The following GRIA4 variants were observed in gnomAD, a reference collection of about 807,000 sequenced individuals.
GRIA4 encodes the protein glutamate receptor 4.
GRIA4 carries 34 observed loss-of-function variants against 104.0 expected under a neutral mutation model. That is an observed-to-expected ratio of 0.33 (90% confidence interval 0.25 to 0.44). The LOEUF is 0.44. Ranked by LOEUF, GRIA4 falls within the 20% of genes least tolerant of loss-of-function variation. The pLI is 1.00. For synonymous variants in GRIA4, 386 were observed against 381.9 expected, an observed-to-expected ratio of 1.01 and a Z score of -0.13; for missense variants, 750 against 1,096.5, an observed-to-expected ratio of 0.68 and a Z score of 4.46.
At chr11:105,913,962 G>GT (rs1719608790) in intron 10 of GRIA4, among the ~76,000 whole-genome samples, 1 of 151,776 alleles carries the variant, frequency 6.6e-6, no homozygotes, top group Non-Finnish European at 1.5e-5. Context: ...TTTATAAGAT[G>GT]TTTGATATTT....
At chr11:105,701,689 T>C (rs745997657) in intron 3 of GRIA4, among the ~76,000 whole-genome samples, 3 of 152,276 alleles carry the variant, frequency 2.0e-5, no homozygotes, top group East Asian at 1.9e-4. Flanking sequence ...TTGATTAAGA[T>C]TGCACTTCCA....
intron 14 of GRIA4, among the ~76,000 whole-genome samples, chr11:105,946,585 CA>C (rs1423227283): frequency 6.7e-6 from 1 of 150,146 alleles, no homozygotes; most frequent in Admixed American, 6.6e-5. Flanking sequence ...GACCCTGTCT[CA>C]AAAAAAATAA....
At chr11:105,827,610 AT>A (rs1943820609) in intron 4 of GRIA4, among the ~76,000 whole-genome samples, 2 of 151,986 alleles carry the variant, frequency 1.3e-5, no homozygotes, top group African/African-American at 4.8e-5. Context: ...GGAAAAGATA[AT>A]GAGATCTAAA....
intron 6 of GRIA4, among the ~76,000 whole-genome samples, chr11:105,891,195 TTTGA>T (rs1387181033): frequency 2.6e-5 from 4 of 152,182 alleles, no homozygotes; most frequent in African/African-American, 4.8e-5. Context: ...TGCTTAAATC[TTTGA>T]TTGGCCCCAG....
At chr11:105,839,187 T>G (rs1180631525) in intron 4 of GRIA4, among the ~76,000 whole-genome samples, 1 of 152,134 alleles carries the variant, frequency 6.6e-6, no homozygotes, top group Non-Finnish European at 1.5e-5. Flanking sequence ...AGACAGGATA[T>G]TGTTGCTGAG....
At chr11:105,845,055 C>T (rs867943554) in intron 4 of GRIA4, among the ~76,000 whole-genome samples, 1 of 152,202 alleles carries the variant, frequency 6.6e-6, no homozygotes, top group African/African-American at 2.4e-5. Flanking sequence ...CTTTAAACAA[C>T]GACCATCATT....
chr11:105,643,589 G>T (rs1951432981), intron 3 of GRIA4, among the ~76,000 whole-genome samples: 1 of 152,148 alleles, frequency 6.6e-6, no homozygotes, highest in Admixed American at 6.6e-5. Context: ...GTAATGGTGA[G>T]AATTAGCCTC....
intron 4 of GRIA4, among the ~76,000 whole-genome samples, chr11:105,779,277 A>G (rs578225348): frequency 6.6e-6 from 1 of 152,186 alleles, no homozygotes; most frequent in South Asian, 2.1e-4. Flanking sequence ...CCACTGCTCA[A>G]TGAAATAAAA....
chr11:105,678,831 T>C (rs1410771543), intron 3 of GRIA4, among the ~76,000 whole-genome samples: 1 of 152,096 alleles, frequency 6.6e-6, no homozygotes, highest in Admixed American at 6.6e-5. Context: ...ATAAAGCTAA[T>C]GTTTAACTCT....
intron 4 of GRIA4, among the ~76,000 whole-genome samples, chr11:105,858,140 C>A (rs1373908872): frequency 6.6e-6 from 1 of 151,958 alleles, no homozygotes; most frequent in Non-Finnish European, 1.5e-5. Context: ...TATGAAAAAG[C>A]CCTTAATTAC....
intron 3 of GRIA4, among the ~76,000 whole-genome samples, chr11:105,723,167 G>C (rs528567040): frequency 6.6e-6 from 1 of 151,930 alleles, no homozygotes; most frequent in Non-Finnish European, 1.5e-5. Flanking sequence ...AGCAATCAAT[G>C]AGAAAGGAAA....
chr11:105,661,771 C>G (rs368816905), intron 3 of GRIA4, among the ~76,000 whole-genome samples: 3 of 151,750 alleles, frequency 2.0e-5, no homozygotes, highest in Admixed American at 6.6e-5. Flanking sequence ...GAGGTTTACA[C>G]AAATATTTTT....
intron 3 of GRIA4, among the ~76,000 whole-genome samples, chr11:105,716,575 G>T (rs191016719): frequency 2.4e-4 from 37 of 152,184 alleles, no homozygotes; most frequent in Non-Finnish European, 3.7e-4. Flanking sequence ...GCAATTGGTG[G>T]ACAGTTTTGC....
chr11:105,780,670 C>A (rs1039922477), intron 4 of GRIA4, among the ~76,000 whole-genome samples: 1 of 152,022 alleles, frequency 6.6e-6, no homozygotes, highest in African/African-American at 2.4e-5. Context: ...AATGCCACTG[C>A]CTTTTTGTTC....
chr11:105,903,668 A>G, intron 7 of GRIA4, 146 bp from the exon 8 acceptor site: 1 of 567,254 alleles, frequency 1.8e-6, no homozygotes, highest in Non-Finnish European at 3.1e-6. Context: ...GAAATTTCTG[A>G]AGCTAGAGTC....
chr11:105,844,220 A>G (rs1944496178), intron 4 of GRIA4, among the ~76,000 whole-genome samples: 1 of 152,182 alleles, frequency 6.6e-6, no homozygotes, highest in South Asian at 2.1e-4. Flanking sequence ...TCCCCTTCCA[A>G]TTTCTATAAA....
chr11:105,737,398 T>C (rs983396541), intron 3 of GRIA4, among the ~76,000 whole-genome samples: 1 of 152,140 alleles, frequency 6.6e-6, no homozygotes, highest in Non-Finnish European at 1.5e-5. Context: ...TGCAAAAGTT[T>C]AATATTTCCA....
At chr11:105,613,823 A>T (rs961990200) in intron 3 of GRIA4, 1 of 152,060 alleles carries the variant, frequency 6.6e-6, no homozygotes, top group East Asian at 1.9e-4. Flanking sequence ...TATAGGTTCT[A>T]TGAGTTACTA....
At chr11:105,946,271 C>G (rs954567743) in intron 14 of GRIA4, among the ~76,000 whole-genome samples, 1 of 151,882 alleles carries the variant, frequency 6.6e-6, no homozygotes, top group Non-Finnish European at 1.5e-5. Flanking sequence ...AGAGGAAAAC[C>G]AAGAGGAGAA....
Sources: gnomAD v4.1 joint callset for allele counts (sites outside exome capture counted in the v4.1 genomes callset) on GRCh38, gnomAD v4.1.1 for gene constraint, MANE v1.5 for transcripts, NCBI Gene and HGNC (gene_info 2026-07-23, HGNC 2026-07-21) for gene names.